Variants in ELOVL6 observed in about 807,000 individuals in gnomAD.
The protein encoded by ELOVL6 is ELOVL fatty acid elongase 6.
Under a neutral mutation model 31.7 loss-of-function variants are expected in ELOVL6, and 8 were observed. The ratio of observed to expected loss-of-function variants is 0.25; its 90% confidence interval spans 0.15 to 0.45. The LOEUF is 0.45. ELOVL6 is among the 20% of genes least tolerant of loss of function. The pLI is 1.00. For missense variants in ELOVL6, 126 were observed against 326.4 expected (o/e 0.39, Z 4.73); for synonymous variants, 101 against 117.7 (o/e 0.86, Z 0.92).
intron 1 of ELOVL6, among the ~76,000 whole-genome samples, chr4:110,141,484 C>T (rs1052325139): frequency 6.6e-6 from 1 of 151,920 alleles, no homozygotes; most frequent in Non-Finnish European, 1.5e-5. Flanking sequence ...ACCACACACT[C>T]AGAAAGGGGG....
At chr4:110,085,432 A>C (rs1223474809) in intron 2 of ELOVL6, among the ~76,000 whole-genome samples, 1 of 152,240 alleles carries the variant, frequency 6.6e-6, no homozygotes, top group Non-Finnish European at 1.5e-5. Context: ...TCAGAGGCAC[A>C]ATTAAGAAAT....
intron 1 of ELOVL6, among the ~76,000 whole-genome samples, chr4:110,129,337 T>C (rs1254160336): frequency 6.6e-6 from 1 of 152,192 alleles, no homozygotes; most frequent in Non-Finnish European, 1.5e-5. Flanking sequence ...TCCTAAAAAG[T>C]CCTTGAGTCT....
At chr4:110,177,454 A>AAATAATAAT (rs141020839) in intron 1 of ELOVL6, among the ~76,000 whole-genome samples, 1 of 151,172 alleles carries the variant, frequency 6.6e-6, no homozygotes, top group Non-Finnish European at 1.5e-5. Context: ...ATAAATTAAT[A>AAATAATAAT]AATAATAATA....
intron 1 of ELOVL6, among the ~76,000 whole-genome samples, chr4:110,150,933 C>T (rs570418363): frequency 4.0e-5 from 6 of 151,866 alleles, no homozygotes; most frequent in Middle Eastern, 3.4e-3. Flanking sequence ...ATCCCAGCTA[C>T]GCAGGAGGCT....
intron 2 of ELOVL6, among the ~76,000 whole-genome samples, chr4:110,076,800 A>G (rs1370668143): frequency 6.6e-6 from 1 of 152,254 alleles, no homozygotes; most frequent in Non-Finnish European, 1.5e-5. Context: ...AACCTCACCC[A>G]GGAAGCTCAA....
intron 1 of ELOVL6, among the ~76,000 whole-genome samples, chr4:110,169,518 C>G (rs182660151): frequency 7.2e-5 from 11 of 151,968 alleles, no homozygotes; most frequent in Admixed American, 2.0e-4. Flanking sequence ...GCTGGGATTA[C>G]AGGCGTGAGC....
At chr4:110,133,270 A>G (rs919688717) in intron 1 of ELOVL6, among the ~76,000 whole-genome samples, 4 of 152,216 alleles carry the variant, frequency 2.6e-5, no homozygotes, top group African/African-American at 9.6e-5. Context: ...CACAGACACA[A>G]TCAGGGCCTA....
At position 110,078,966 on chromosome 4, in the gene ELOVL6, G is replaced by A. The variant is rs368553398; in HGVS notation, c.222-19212C>T. On this transcript the variant is annotated intron_variant, in intron 2 of 3. Transcript: ENST00000302274. Reference sequence around the variant, plus strand: ...TAGTCTCTGATAAAACAGACTTTAAGCCAACAAAGATCAAAAGAGACAAAG... The same window carrying A: ...TAGTCTCTGATAAAACAGACTTTAAACCAACAAAGATCAAAAGAGACAAAG... 3.3e-5 allele frequency among the ~76,000 whole-genome samples: 5 copies of A among 152,144 alleles called. No individual in the cohort carries two copies. The South Asian group carries it at 8.3e-4, about 25-fold the overall frequency.
chr4:110,073,207 C>T (rs1011914571), intron 2 of ELOVL6, among the ~76,000 whole-genome samples: 9 of 152,150 alleles, frequency 5.9e-5, no homozygotes, highest in South Asian at 4.1e-4. Flanking sequence ...CCACACGTGC[C>T]GCCAAGCTCA....
Position 110,105,492 on chromosome 4 carries a change from C to A in ELOVL6, c.221+5G>T. On this transcript the variant is annotated splice_donor_5th_base_variant and intron_variant, in intron 2 of 3. Coordinates refer to ENST00000302274, the MANE Select transcript of ELOVL6 (RefSeq NM_024090.3). ...CGTTTTATTAGAAAAATGAAAAAAA[C>A]CTACCTGAAGACTGCAAGGGTCAGA... 1 of 1,588,246 alleles carries A rather than the reference C, an allele frequency of 6.3e-7. No individual in the cohort carries two copies. The highest frequency in any genetic ancestry group is 2.2e-5 in the East Asian group (1 of 44,550).
intron 1 of ELOVL6, among the ~76,000 whole-genome samples, chr4:110,141,854 A>AATATATATATAT (rs1304359285): frequency 1.9e-5 from 1 of 53,610 alleles, no homozygotes; most frequent in Non-Finnish European, 4.0e-5. Flanking sequence ...CAATACAATT[A>AATATATATATAT]GTATATATAT....
chr4:110,123,690 A>G (rs1578498388), intron 1 of ELOVL6, among the ~76,000 whole-genome samples: 2 of 152,160 alleles, frequency 1.3e-5, no homozygotes, highest in Admixed American at 1.3e-4. Context: ...CTGGGAGGAA[A>G]TGTATAAGGC....
chr4:110,157,127 A>G (rs1158415220), intron 1 of ELOVL6, among the ~76,000 whole-genome samples: 2 of 152,200 alleles, frequency 1.3e-5, no homozygotes, highest in African/African-American at 4.8e-5. Context: ...TAGCAAGGCC[A>G]AGAAGAAGGA....
chr4:110,081,930 G>A (rs1457522767), intron 2 of ELOVL6, among the ~76,000 whole-genome samples: 2 of 151,088 alleles, frequency 1.3e-5, no homozygotes, highest in African/African-American at 2.4e-5. Flanking sequence ...AAAAGTGGGT[G>A]AAGGATATGA....
At chr4:110,118,815 C>T (rs982952322) in intron 1 of ELOVL6, among the ~76,000 whole-genome samples, 1 of 152,128 alleles carries the variant, frequency 6.6e-6, no homozygotes, top group Non-Finnish European at 1.5e-5. Flanking sequence ...GTCTGTAACC[C>T]CAACACTTTG....
intron 2 of ELOVL6, among the ~76,000 whole-genome samples, chr4:110,101,805 G>C (rs1042611294): frequency 6.6e-6 from 1 of 152,132 alleles, no homozygotes; most frequent in Non-Finnish European, 1.5e-5. Flanking sequence ...CTCCCAGGTA[G>C]CTGGGACTAC....
chr4:110,176,174 A>ATTTT (rs1447602583), intron 1 of ELOVL6, among the ~76,000 whole-genome samples: 4 of 151,732 alleles, frequency 2.6e-5, no homozygotes, highest in East Asian at 1.9e-4. Flanking sequence ...TTATTTATTT[A>ATTTT]TTTTTTGAGA....
At chr4:110,186,825 A>T (rs1759460764) in intron 1 of ELOVL6, among the ~76,000 whole-genome samples, 1 of 99,046 alleles carries the variant, frequency 1.0e-5, no homozygotes, top group East Asian at 2.7e-4. Flanking sequence ...AAAAAAAAAT[A>T]TATATATATA....
In ELOVL6 at chr4:110,135,777, C is replaced by T. The variant is rs12233783; in HGVS notation, c.90-30149G>A. ...TGGTCTGATCCAGTGCCAGGCACCA[C>T]AGACAACTTGGTGTTCAGAGAAGAT... On this transcript the variant is annotated intron_variant, in intron 1 of 3. Transcript: ENST00000302274. Among the ~76,000 whole-genome samples the T allele has an allele frequency of 2.5e-3, 386 of 152,270 alleles. 14 individuals carry two copies. In the East Asian group the frequency reaches 0.073, roughly 29 times the overall value.
Sources: allele counts gnomAD v4.1 joint callset (sites outside exome capture counted in the v4.1 genomes callset), GRCh38; gene constraint gnomAD v4.1.1; transcripts MANE v1.5; gene names NCBI Gene and HGNC (gene_info 2026-07-23, HGNC 2026-07-21).